The following CHIC2 variants were observed in gnomAD, a reference collection of about 807,000 sequenced individuals.
CHIC2 encodes the protein cysteine rich hydrophobic domain 2, also known as cysteine-rich hydrophobic domain-containing protein 2.
A neutral mutation model predicts 25.9 loss-of-function variants in CHIC2; 14 were observed. The observed-to-expected ratio is 0.54, with a 90% CI of 0.36 to 0.85. The LOEUF (loss-of-function observed/expected upper bound fraction) is 0.85, where lower values mean the gene tolerates loss of function less well. Ranked by LOEUF, CHIC2 falls within the 40% of genes least tolerant of loss-of-function variation. The pLI is 0.01. For missense variants in CHIC2, 146 were observed against 202.0 expected, an observed-to-expected ratio of 0.72 and a Z score of 1.68; for synonymous variants, 70 against 72.0, an observed-to-expected ratio of 0.97 and a Z score of 0.14.
At chr4:54,063,212 T>C (rs1717391361) in intron 1 of CHIC2, among the ~76,000 whole-genome samples, 1 of 152,220 alleles carries the variant, frequency 6.6e-6, no homozygotes, top group African/African-American at 2.4e-5. Flanking sequence ...GGCTCTTTTG[T>C]TTCACTGAAA....
chr4:54,075,794 C>A, the CHIC2 span, among the ~76,000 whole-genome samples: 1 of 152,218 alleles, frequency 6.6e-6, no homozygotes, highest in South Asian at 2.1e-4. Context: ...CCTCAAGGCC[C>A]GCCTCGGCCT....
chr4:54,088,090 A>G, the CHIC2 span, among the ~76,000 whole-genome samples: 9 of 152,104 alleles, frequency 5.9e-5, no homozygotes, highest in African/African-American at 1.7e-4. Context: ...ACACTACACA[A>G]TTTTCTAATA....
the CHIC2 span, among the ~76,000 whole-genome samples, chr4:54,080,942 G>GTATATA: frequency 7.8e-3 from 783 of 100,956 alleles, 4 homozygotes; most frequent in East Asian, 0.015. Flanking sequence ...ATGTGTGTGT[G>GTATATA]TATATATATA....
chr4:54,089,388 A>G, the CHIC2 span, among the ~76,000 whole-genome samples: 1 of 89,578 alleles, frequency 1.1e-5, no homozygotes, highest in Non-Finnish European at 2.2e-5. Context: ...CCACCACCAC[A>G]TTCCATATAT....
chr4:54,067,192 G>C (rs532121350), upstream of CHIC2, among the ~76,000 whole-genome samples: 9 of 152,288 alleles, frequency 5.9e-5, no homozygotes, highest in South Asian at 6.2e-4. Context: ...CTTATTCTAA[G>C]ATCTATTCAA....
At chr4:54,056,095 T>C (rs1170431168) in intron 1 of CHIC2, among the ~76,000 whole-genome samples, 2 of 152,204 alleles carry the variant, frequency 1.3e-5, no homozygotes, top group African/African-American at 2.4e-5. Context: ...CTCACCATTA[T>C]ACATAGTCTT....
At chr4:54,017,750 TAGAC>T (rs1419296349) in intron 3 of CHIC2, among the ~76,000 whole-genome samples, 4 of 152,284 alleles carry the variant, frequency 2.6e-5, no homozygotes, top group Admixed American at 2.6e-4. Context: ...GGTCTGGAAG[TAGAC>T]AGCTCCAAGC....
At chr4:54,063,579 T>C (rs1002520792) in intron 1 of CHIC2, among the ~76,000 whole-genome samples, 13 of 152,114 alleles carry the variant, frequency 8.5e-5, no homozygotes, top group African/African-American at 3.1e-4. Context: ...CACGTAGTTG[T>C]TGTTGTTGTT....
intron 1 of CHIC2, among the ~76,000 whole-genome samples, chr4:54,063,813 A>G (rs1717408798): frequency 6.6e-6 from 1 of 152,190 alleles, no homozygotes; most frequent in African/African-American, 2.4e-5. Context: ...CTGGGTGCAA[A>G]GGCACAGACA....
intron 1 of CHIC2, among the ~76,000 whole-genome samples, chr4:54,053,700 T>TA (rs1717078452): frequency 6.6e-6 from 1 of 151,788 alleles, no homozygotes; most frequent in South Asian, 2.1e-4. Flanking sequence ...AGGGAGGGGG[T>TA]ATTAAAGACA....
intron 3 of CHIC2, among the ~76,000 whole-genome samples, chr4:54,036,791 C>CA (rs35884517): frequency 0.28 from 40,167 of 140,956 alleles, 6,140 homozygotes; most frequent in Middle Eastern, 0.42. Context: ...CCCACAACCA[C>CA]AAAAAAAAAG....
chr4:54,080,680 T>C, the CHIC2 span, among the ~76,000 whole-genome samples: 2 of 150,784 alleles, frequency 1.3e-5, no homozygotes, highest in African/African-American at 4.9e-5. Flanking sequence ...GTATGAGAAT[T>C]GCTTGAACCC....
chr4:54,030,876 G>T (rs1716208195), intron 3 of CHIC2, among the ~76,000 whole-genome samples: 2 of 149,252 alleles, frequency 1.3e-5, no homozygotes, highest in African/African-American at 4.9e-5. Context: ...TTAACATTGA[G>T]AATTTTTTTT....
chr4:54,045,123 C>G (rs1006389961), intron 3 of CHIC2, among the ~76,000 whole-genome samples: 5 of 152,122 alleles, frequency 3.3e-5, no homozygotes, highest in African/African-American at 4.8e-5. Flanking sequence ...TCTGAATAGA[C>G]CAATAACAGG....
the CHIC2 span, among the ~76,000 whole-genome samples, chr4:54,072,889 A>G: frequency 3.9e-5 from 6 of 152,264 alleles, no homozygotes; most frequent in East Asian, 5.8e-4. Flanking sequence ...TGGCTAACAC[A>G]GTGAAACCCC....
At chr4:54,070,259 A>G in the CHIC2 span, among the ~76,000 whole-genome samples, 1 of 152,184 alleles carries the variant, frequency 6.6e-6, no homozygotes, top group African/African-American at 2.4e-5. Flanking sequence ...GCCAGATTGG[A>G]GTTGAGGTCA....
chr4:54,049,184 T>C, intron 2 of CHIC2, 67 bp downstream of exon 2: 1 of 1,564,552 alleles, frequency 6.4e-7, no homozygotes, highest in African/African-American at 1.4e-5. Flanking sequence ...GCATACTTTT[T>C]TCTAATTTTC....
intron 3 of CHIC2, among the ~76,000 whole-genome samples, chr4:54,034,981 TAG>T (rs1018373643): frequency 7.9e-5 from 12 of 152,208 alleles, no homozygotes; most frequent in African/African-American, 2.9e-4. Flanking sequence ...TCTGCCACTT[TAG>T]AGATTGTTGT....
chr4:54,064,246 C>A lies in CHIC2; in HGVS notation c.55G>T (p.Glu19Ter). Reference sequence around the variant, plus strand: ...GGCGAGTACTTGAGCAGCTGCTCCTCCAGGGCCCGCTCCTCGTCCTCCTCT... The same window carrying A: ...GGCGAGTACTTGAGCAGCTGCTCCTACAGGGCCCGCTCCTCGTCCTCCTCT... ...EEEEDEERAL[E>*]EQLLKYSPDP... Residue 19 changes from glutamate to a stop codon, truncating the protein, a stop_gained, in exon 1 of 6, where the codon GAG becomes TAG. Coordinates refer to ENST00000263921, the MANE Select transcript of CHIC2 (RefSeq NM_012110.4). LOFTEE classifies it high-confidence loss of function. The surrounding 1 kb of genome is among the most constrained non-coding windows in gnomAD (Gnocchi z 4.2). 1 of 1,610,636 alleles carries A rather than the reference C, an allele frequency of 6.2e-7. No individual in the cohort carries two copies. Among genetic ancestry groups the A allele is most frequent in the Non-Finnish European group, 8.5e-7 (1 of 1,178,548 alleles).
Sources: gnomAD v4.1 joint callset for allele counts (sites outside exome capture counted in the v4.1 genomes callset) on GRCh38, gnomAD v4.1.1 for gene constraint, Gnocchi (gnomAD v3.1) non-coding constraint, MANE v1.5 for transcripts, NCBI Gene and HGNC (gene_info 2026-07-23, HGNC 2026-07-21) for gene names.